The following ZNF462 variants were observed in gnomAD, a reference collection of about 807,000 sequenced individuals.
The protein encoded by ZNF462 is zinc finger protein 462, also known as zinc finger PBX1-interacting protein.
In ZNF462, 10 loss-of-function variants were observed where a neutral mutation model predicts 201.9. The observed-to-expected ratio is 0.05, with a 90% confidence interval of 0.03 to 0.08. The LOEUF is 0.08. ZNF462 is among the 10% of genes least tolerant of loss of function. The pLI is 1.00. For synonymous variants in ZNF462, 1,227 were observed against 1,193.3 expected (o/e 1.03, Z -0.58); for missense variants, 2,523 against 3,168.3 (o/e 0.80, Z 4.89).
Position 106,885,156 on chromosome 9 carries a change from G to C in ZNF462, c.-31+21801G>C, listed in dbSNP as rs1828264490. Among the ~76,000 whole-genome samples the C allele has an allele frequency of 6.6e-6, 1 of 152,104 alleles. No individual in the cohort carries two copies. Among genetic ancestry groups the C allele is most frequent in the African/African-American group, 2.4e-5 (1 of 41,412 alleles). On this transcript the variant is annotated intron_variant, in intron 1 of 12. Coordinates refer to ENST00000277225, the MANE Select transcript of ZNF462 (RefSeq NM_021224.6). The surrounding 1 kb of genome is among the most constrained non-coding windows in gnomAD (Gnocchi z 4.1). ...CTTCAGCTTCCCAAGAAAATGCAAG[G>C]AATTTATTTATTTTCTTTACATGTT...
intron 1 of ZNF462, among the ~76,000 whole-genome samples, chr9:106,874,840 C>G (rs536435002): frequency 6.6e-6 from 1 of 152,294 alleles, no homozygotes; most frequent in Admixed American, 6.5e-5. Flanking sequence ...CTCAGTGTTT[C>G]AGAATACCTC....
chr9:106,881,969 A>G (rs1473782883), intron 1 of ZNF462, among the ~76,000 whole-genome samples: 1 of 152,230 alleles, frequency 6.6e-6, no homozygotes, highest in African/African-American at 2.4e-5. Context: ...GAAATTTTCC[A>G]GGAATAGCAC....
chr9:106,965,619 G>C (rs979193383), intron 7 of ZNF462, among the ~76,000 whole-genome samples: 3 of 152,030 alleles, frequency 2.0e-5, no homozygotes, highest in African/African-American at 4.8e-5. Flanking sequence ...CAAACAAAGT[G>C]GTGGGCCATT....
chr9:106,863,032 A>C (rs996255947), upstream of ZNF462: 83 of 369,752 alleles, frequency 2.2e-4, no homozygotes, highest in East Asian at 1.9e-4. Context: ...AGAGAGAGAG[A>C]GCGCGCGAGG....
At chr9:106,946,252 A>AT (rs1433031802) in intron 7 of ZNF462, among the ~76,000 whole-genome samples, 1 of 152,216 alleles carries the variant, frequency 6.6e-6, no homozygotes, top group African/African-American at 2.4e-5. Context: ...TCCAGACCTC[A>AT]TTTGTGGAAA....
intron 10 of ZNF462, among the ~76,000 whole-genome samples, chr9:106,995,042 G>T (rs939300741): frequency 6.6e-6 from 1 of 152,070 alleles, no homozygotes; most frequent in Non-Finnish European, 1.5e-5. Context: ...GCAAAATGTG[G>T]TAGCATCCAT....
chr9:106,948,240 G>T (rs1416803078), intron 7 of ZNF462, among the ~76,000 whole-genome samples: 2 of 151,528 alleles, frequency 1.3e-5, no homozygotes, highest in African/African-American at 4.8e-5. Context: ...GGAAGGAGAG[G>T]TAGAGCCAGA....
chr9:106,904,596 C>G (rs966032950), intron 1 of ZNF462, among the ~76,000 whole-genome samples: 2 of 152,094 alleles, frequency 1.3e-5, no homozygotes, highest in African/African-American at 4.8e-5. Context: ...TTAGCATAAC[C>G]CCAGACTTCT....
chr9:106,949,062 A>T (rs1289844795), intron 7 of ZNF462, among the ~76,000 whole-genome samples: 2 of 152,334 alleles, frequency 1.3e-5, no homozygotes, highest in South Asian at 4.1e-4. Context: ...AAAGACAAAA[A>T]TCAAGATTAC....
At chr9:106,881,010 G>T (rs1446544964) in intron 1 of ZNF462, among the ~76,000 whole-genome samples, 5 of 152,190 alleles carry the variant, frequency 3.3e-5, no homozygotes, top group African/African-American at 1.2e-4. Context: ...CAATTTGGAG[G>T]GGTATAGGAT....
intron 1 of ZNF462, among the ~76,000 whole-genome samples, chr9:106,888,082 C>T (rs1828402816): frequency 6.6e-6 from 1 of 150,536 alleles, no homozygotes; most frequent in African/African-American, 2.5e-5. Context: ...CCCTCTGTCG[C>T]TCAGGCTGGA....
intron 1 of ZNF462, among the ~76,000 whole-genome samples, chr9:106,875,933 C>T (rs1827811811): frequency 6.6e-6 from 1 of 152,158 alleles, no homozygotes; most frequent in Non-Finnish European, 1.5e-5. Flanking sequence ...TATATGTACA[C>T]ACATGTATCT....
chr9:106,860,230 G>A (rs746663663), upstream of ZNF462, among the ~76,000 whole-genome samples: 2 of 152,216 alleles, frequency 1.3e-5, no homozygotes, highest in Non-Finnish European at 2.9e-5. The surrounding 1 kb of genome is among the most constrained non-coding windows in gnomAD (Gnocchi z 7.1). Context: ...GTGAAAGGGC[G>A]GCAGCCCGTT....
rs925637043 is a variant in ZNF462 at position 106,941,864 on chromosome 9, G to A, written c.6427+2757G>A. On this transcript the variant is annotated intron_variant, in intron 7 of 12. Coordinates refer to ENST00000277225, the MANE Select transcript of ZNF462 (RefSeq NM_021224.6). ...AGACTTTGCTAAGGAGCCGGATGGT[G>A]GATTCCTAGAAACAGCTAAGTCTAC... Among the ~76,000 whole-genome samples, 13 of 152,338 alleles carry A rather than the reference G, an allele frequency of 8.5e-5. No homozygotes were observed. The East Asian group carries it at 2.5e-3, about 29-fold the overall frequency.
intron 1 of ZNF462, among the ~76,000 whole-genome samples, chr9:106,867,253 A>C (rs1371034987): frequency 6.6e-6 from 1 of 152,210 alleles, no homozygotes; most frequent in Non-Finnish European, 1.5e-5. Context: ...TATTTTGAAT[A>C]AACCACCATG....
rs1827538603 is a variant in ZNF462, at chr9:106,870,429, C to T, written c.-31+7074C>T. ...ATACTTGTGCTGCGCCTGTCCACAT[C>T]TTACCCCCAACCTTATTCAAAGAGT... is the stretch of plus-strand genomic sequence containing the variant. On this transcript the variant is annotated intron_variant, in intron 1 of 12. Transcript: ENST00000277225. The surrounding 1 kb of genome is among the most constrained non-coding windows in gnomAD (Gnocchi z 4.3). Among the ~76,000 whole-genome samples, 1 of 152,168 alleles carries T rather than the reference C, an allele frequency of 6.6e-6. No individual in the cohort carries two copies. The highest frequency in any genetic ancestry group is 1.5e-5 in the Non-Finnish European group (1 of 68,026).
At chr9:106,936,466 T>C (rs1393672724) in intron 6 of ZNF462, among the ~76,000 whole-genome samples, 3 of 152,172 alleles carry the variant, frequency 2.0e-5, no homozygotes, top group African/African-American at 4.8e-5. Flanking sequence ...TGTCTCTTCA[T>C]TGTCTTCTGA....
intron 9 of ZNF462, among the ~76,000 whole-genome samples, chr9:106,982,955 T>C (rs545281104): frequency 6.6e-6 from 1 of 152,300 alleles, no homozygotes; most frequent in South Asian, 2.1e-4. Flanking sequence ...TGGGAATAAA[T>C]CATGCTTTCT....
At chr9:106,879,183 C>T (rs921970577) in intron 1 of ZNF462, among the ~76,000 whole-genome samples, 4 of 152,056 alleles carry the variant, frequency 2.6e-5, no homozygotes, top group African/African-American at 7.2e-5. Context: ...ACCGCTGTGA[C>T]GCAGGAGATA....
Sources: allele counts gnomAD v4.1 joint callset (sites outside exome capture counted in the v4.1 genomes callset), GRCh38; gene constraint gnomAD v4.1.1; non-coding constraint Gnocchi (gnomAD v3.1); transcripts MANE v1.5; gene names NCBI Gene and HGNC (gene_info 2026-07-23, HGNC 2026-07-21).